HSD17B12: variants seen among roughly 807,000 people sequenced by gnomAD.
HSD17B12 encodes the protein hydroxysteroid 17-beta dehydrogenase 12.
In HSD17B12, 32 loss-of-function variants were observed where a neutral mutation model predicts 39.3. That is an observed-to-expected ratio of 0.81 (90% CI 0.61 to 1.09). The LOEUF (loss-of-function observed/expected upper bound fraction) is 1.09. Ranked by LOEUF, HSD17B12 falls within the 50% of genes least tolerant of loss-of-function variation. The probability of loss-of-function intolerance (pLI) is 0.00; values close to 1 mark genes in which losing one functional copy is unlikely to be tolerated. For synonymous variants in HSD17B12, 150 were observed against 146.7 expected, an observed-to-expected ratio of 1.02 and a Z score of -0.16; for missense variants, 342 against 382.9, an observed-to-expected ratio of 0.89 and a Z score of 0.89.
At chr11:43,721,573 C>T (rs151237367) in intron 1 of HSD17B12, among the ~76,000 whole-genome samples, 1,588 of 152,062 alleles carry the variant, frequency 0.01, 21 homozygotes, top group African/African-American at 0.037. Flanking sequence ...GAGCTAAGAT[C>T]GCACCACTGC....
At chr11:43,671,979 A>C in the HSD17B12 span, among the ~76,000 whole-genome samples, 1 of 152,262 alleles carries the variant, frequency 6.6e-6, no homozygotes, top group East Asian at 1.9e-4. Context: ...TGTTTACAGA[A>C]GACTATGAAT....
the HSD17B12 span, among the ~76,000 whole-genome samples, chr11:43,656,904 A>G: frequency 3.9e-5 from 6 of 152,250 alleles, no homozygotes; most frequent in African/African-American, 1.4e-4. Context: ...AGTTCTGTAG[A>G]TGTCTATTAG....
the HSD17B12 span, among the ~76,000 whole-genome samples, chr11:43,598,579 T>G: frequency 6.6e-6 from 1 of 152,238 alleles, no homozygotes; most frequent in Non-Finnish European, 1.5e-5. Flanking sequence ...CTTCCTGCTT[T>G]GTTTTCTTGT....
intron 1 of HSD17B12, among the ~76,000 whole-genome samples, chr11:43,682,632 T>G (rs1293634483): frequency 6.6e-6 from 1 of 152,042 alleles, no homozygotes; most frequent in Non-Finnish European, 1.5e-5. Context: ...TTGCCCACAT[T>G]CTTCATTGTT....
the HSD17B12 span, chr11:43,581,468 G>A: frequency 2.0e-6 from 1 of 511,740 alleles, no homozygotes; most frequent in Non-Finnish European, 4.1e-6. This position sits in a 1 kb window ranked among gnomAD's most constrained non-coding sequence, Gnocchi z 4.9. Context: ...ACCCCAAAAA[G>A]CATTTGCGGA....
At chr11:43,780,687 C>T (rs1022297713) in intron 3 of HSD17B12, among the ~76,000 whole-genome samples, 4 of 152,070 alleles carry the variant, frequency 2.6e-5, no homozygotes, top group African/African-American at 9.7e-5. Flanking sequence ...AAATAGGTGA[C>T]CAGGGTTCAC....
chr11:43,713,536 C>T (rs1950090556), intron 1 of HSD17B12, among the ~76,000 whole-genome samples: 1 of 152,166 alleles, frequency 6.6e-6, no homozygotes, highest in Non-Finnish European at 1.5e-5. Context: ...CATTGTTGGA[C>T]ATTTGGCTTG....
chr11:43,790,457 G>A (rs1475571994), intron 3 of HSD17B12, among the ~76,000 whole-genome samples: 5 of 152,160 alleles, frequency 3.3e-5, no homozygotes, highest in Non-Finnish European at 5.9e-5. Flanking sequence ...AGTCCCCCCC[G>A]TGTCTGCAGG....
At chr11:43,607,245 G>GAAGA in the HSD17B12 span, among the ~76,000 whole-genome samples, 43 of 151,654 alleles carry the variant, frequency 2.8e-4, no homozygotes, top group African/African-American at 9.9e-4. Flanking sequence ...AGAAAGGAGG[G>GAAGA]AAGATGGTGG....
chr11:43,798,171 T>C, intron 3 of HSD17B12, 149 bp from the exon 4 acceptor site: 1 of 595,980 alleles, frequency 1.7e-6, no homozygotes, highest in Non-Finnish European at 3.0e-6. Context: ...GATGGTCTCA[T>C]GATTGCTTAA....
the HSD17B12 span, among the ~76,000 whole-genome samples, chr11:43,585,058 G>C: frequency 6.6e-6 from 1 of 152,208 alleles, no homozygotes. Context: ...GGGCCCAAGG[G>C]ATGTGCAGAG....
At chr11:43,674,066 A>G in the HSD17B12 span, among the ~76,000 whole-genome samples, 15 of 152,340 alleles carry the variant, frequency 9.8e-5, no homozygotes, top group East Asian at 5.8e-4. Flanking sequence ...AATTAAATCT[A>G]TACAAGATCA....
At chr11:43,839,966 T>G in intron 8 of HSD17B12, 33 bp from the exon 9 acceptor site, 1 of 1,522,674 alleles carries the variant, frequency 6.6e-7, no homozygotes, top group Non-Finnish European at 9.1e-7. Context: ...ATGTAATGTG[T>G]GTGTTTTCTT....
At chr11:43,662,903 A>C in the HSD17B12 span, among the ~76,000 whole-genome samples, 1 of 152,194 alleles carries the variant, frequency 6.6e-6, no homozygotes, top group Non-Finnish European at 1.5e-5. Context: ...TCTTCACCAG[A>C]GTGTCCTGAA....
chr11:43,719,196 T>C (rs1010376146), intron 1 of HSD17B12: 8 of 696,766 alleles, frequency 1.1e-5, no homozygotes, highest in African/African-American at 1.1e-4. Flanking sequence ...TTTCACCATA[T>C]ACATGCCTCT....
chr11:43,725,503 A>G (rs1049416402), intron 1 of HSD17B12, among the ~76,000 whole-genome samples: 6 of 152,194 alleles, frequency 3.9e-5, no homozygotes, highest in Non-Finnish European at 8.8e-5. Flanking sequence ...ATACACAACT[A>G]TGGTGGCTTA....
At chr11:43,655,713 A>G in the HSD17B12 span, among the ~76,000 whole-genome samples, 1 of 151,992 alleles carries the variant, frequency 6.6e-6, no homozygotes, top group Non-Finnish European at 1.5e-5. Flanking sequence ...ACGTTTATTG[A>G]TTTTCGTATG....
At chr11:43,794,132 G>A (rs1950894753) in intron 3 of HSD17B12, among the ~76,000 whole-genome samples, 2 of 152,138 alleles carry the variant, frequency 1.3e-5, no homozygotes, top group Non-Finnish European at 2.9e-5. Flanking sequence ...ATTTTCATCT[G>A]AAAATAAAGT....
At chr11:43,809,382 G>C (rs978848467) in intron 4 of HSD17B12, among the ~76,000 whole-genome samples, 20 of 152,174 alleles carry the variant, frequency 1.3e-4, no homozygotes, top group African/African-American at 4.8e-4. Context: ...GTTCTGTTAG[G>C]ACTCTGGGGT....
Sources: allele counts gnomAD v4.1 joint callset (sites outside exome capture counted in the v4.1 genomes callset), GRCh38; gene constraint gnomAD v4.1.1; non-coding constraint Gnocchi (gnomAD v3.1); transcripts MANE v1.5; gene names NCBI Gene and HGNC (gene_info 2026-07-23, HGNC 2026-07-21).